The following FAM120C variants were observed in gnomAD, a reference collection of about 807,000 sequenced individuals.
The protein encoded by FAM120C is family with sequence similarity 120 member C.
FAM120C carries 14 observed loss-of-function variants against 71.2 expected under a neutral mutation model. The observed-to-expected ratio is 0.20, with a 90% CI of 0.13 to 0.31. The LOEUF (loss-of-function observed/expected upper bound fraction) is 0.31. Among genes scored for constraint, FAM120C ranks in the 10% least tolerant of loss-of-function variants. The probability of loss-of-function intolerance (pLI) is 1.00; values close to 1 mark genes in which losing one functional copy is unlikely to be tolerated. For synonymous variants in FAM120C, 354 were observed against 353.2 expected (o/e 1.00, Z -0.03); for missense variants, 500 against 879.0 (o/e 0.57, Z 5.45).
chrX:54,143,602 C>T (rs1219133206), intron 4 of FAM120C, among the ~76,000 whole-genome samples: 1 of 112,009 alleles, frequency 8.9e-6, no homozygotes, highest in East Asian at 2.8e-4. Context: ...TACACCCTCC[C>T]AAGACTAAAC....
intron 9 of FAM120C, among the ~76,000 whole-genome samples, chrX:54,129,723 G>T (rs1557128940): frequency 8.9e-6 from 1 of 112,236 alleles, no homozygotes; most frequent in Admixed American, 9.4e-5. Flanking sequence ...ACTCCAGCCT[G>T]GGCACCATTG....
At chrX:54,085,004 T>C (rs904960200) in intron 13 of FAM120C, among the ~76,000 whole-genome samples, 3 of 111,795 alleles carry the variant, frequency 2.7e-5, no homozygotes, top group Non-Finnish European at 5.6e-5. Flanking sequence ...AATGGATACA[T>C]CAAGCTACTG....
chrX:54,144,771 C>T (rs1420476775), intron 4 of FAM120C, among the ~76,000 whole-genome samples: 1 of 111,928 alleles, frequency 8.9e-6, no homozygotes, highest in Admixed American at 9.5e-5. Context: ...ATGCCATCCC[C>T]ATCAAGCTAC....
At position 54,160,337 on chromosome X, in the gene FAM120C, C is replaced by A. The variant is rs1022866994; in HGVS notation, c.700-721G>T. On this transcript the variant is annotated intron_variant, in intron 1 of 15. Transcript: ENST00000375180. The stretch of plus-strand genomic sequence containing the variant: ...GGCACCCAAACAGTTGCACTTCCAA[C>A]AGTGAGAAGTCAGAAACTACACCCC... Among the ~76,000 whole-genome samples the A allele has an allele frequency of 2.7e-5, 3 of 111,027 alleles. No individual in the cohort carries two copies. In the South Asian group the frequency reaches 1.2e-3, roughly 43 times the overall value.
At chrX:54,163,289 G>C (rs782187428) in intron 1 of FAM120C, among the ~76,000 whole-genome samples, 1 of 112,184 alleles carries the variant, frequency 8.9e-6, no homozygotes, top group Non-Finnish European at 1.9e-5. Flanking sequence ...ATCAACTGAT[G>C]AATGAACAAA....
intron 15 of FAM120C, among the ~76,000 whole-genome samples, chrX:54,075,136 C>T (rs782271374): frequency 1.8e-5 from 2 of 111,306 alleles, no homozygotes; most frequent in South Asian, 7.6e-4. Context: ...CCAGCCTGGG[C>T]GACAGAGTGA....
chrX:54,103,189 A>G (rs1187202241), intron 10 of FAM120C, among the ~76,000 whole-genome samples: 1 of 111,615 alleles, frequency 9.0e-6, no homozygotes, highest in African/African-American at 3.3e-5. Context: ...TATCTTATCT[A>G]TAAACATGGG....
chrX:54,074,406 T>G (rs1421806922), intron 15 of FAM120C, among the ~76,000 whole-genome samples: 3 of 112,500 alleles, frequency 2.7e-5, no homozygotes, highest in African/African-American at 9.7e-5. Context: ...TGTGCAATAT[T>G]CCACAGAATC....
chrX:54,082,183 G>A (rs1159826350), intron 13 of FAM120C, among the ~76,000 whole-genome samples: 3 of 92,998 alleles, frequency 3.2e-5, no homozygotes, highest in Non-Finnish European at 6.3e-5. Flanking sequence ...GTAAGACTCT[G>A]TCTCAAAAAA....
intron 3 of FAM120C, among the ~76,000 whole-genome samples, chrX:54,154,070 G>A (rs949205359): frequency 1.4e-4 from 15 of 108,467 alleles, no homozygotes; most frequent in Non-Finnish European, 2.9e-4. Flanking sequence ...TCGCTCTCCT[G>A]TTATATTGAG....
chrX:54,179,876 G>A (rs1429199866), intron 1 of FAM120C, among the ~76,000 whole-genome samples: 1 of 111,782 alleles, frequency 8.9e-6, no homozygotes. Context: ...TGCTTCTAAG[G>A]ACTAAAGAGG....
chrX:54,111,041 C>G (rs1557125633), intron 10 of FAM120C, among the ~76,000 whole-genome samples: 1 of 106,826 alleles, frequency 9.4e-6, no homozygotes, highest in Non-Finnish European at 1.9e-5. Flanking sequence ...GACTGGGTGA[C>G]AGAGCGAGAC....
At chrX:54,097,766 A>G (rs1215555330) in intron 10 of FAM120C, among the ~76,000 whole-genome samples, 3 of 110,957 alleles carry the variant, frequency 2.7e-5, no homozygotes, top group Non-Finnish European at 3.8e-5. Context: ...TCGCTCTGTC[A>G]CCCAGGCTGG....
chrX:54,161,777 G>C (rs1258036866), intron 1 of FAM120C, among the ~76,000 whole-genome samples: 11 of 111,915 alleles, frequency 9.8e-5, no homozygotes, highest in Non-Finnish European at 1.7e-4. Context: ...GGCTACGGGC[G>C]CATGCCACCA....
At chrX:54,139,307 T>C (rs991754488) in intron 4 of FAM120C, among the ~76,000 whole-genome samples, 4 of 107,212 alleles carry the variant, frequency 3.7e-5, no homozygotes, top group Non-Finnish European at 7.7e-5. Flanking sequence ...TTATCTCTCA[T>C]AGATTTTGAT....
At chrX:54,108,103 G>T (rs1426773096) in intron 10 of FAM120C, among the ~76,000 whole-genome samples, 1 of 102,189 alleles carries the variant, frequency 9.8e-6, no homozygotes, top group Non-Finnish European at 1.9e-5. Context: ...CTGGTGACTT[G>T]TAGGGCTTGA....
At chrX:54,102,769 G>C (rs1383916497) in intron 10 of FAM120C, among the ~76,000 whole-genome samples, 25 of 82,762 alleles carry the variant, frequency 3.0e-4, no homozygotes, top group African/African-American at 1.1e-3. Context: ...AGGCTGGCTG[G>C]AGTGCAGTGG....
At chrX:54,145,075 C>A (rs1336807494) in intron 4 of FAM120C, among the ~76,000 whole-genome samples, 1 of 111,920 alleles carries the variant, frequency 8.9e-6, no homozygotes, top group Non-Finnish European at 1.9e-5. Flanking sequence ...AAAGGATTCC[C>A]TAGTTAATAA....
At chrX:54,163,883 G>GTT (rs2146640057) in intron 1 of FAM120C, among the ~76,000 whole-genome samples, 1 of 82,804 alleles carries the variant, frequency 1.2e-5, no homozygotes, top group South Asian at 4.4e-4. Flanking sequence ...TCCTTTTTAT[G>GTT]TTGTGTGTGT....
Sources: gnomAD v4.1 joint callset for allele counts (sites outside exome capture counted in the v4.1 genomes callset) on GRCh38, gnomAD v4.1.1 for gene constraint, MANE v1.5 for transcripts, NCBI Gene and HGNC (gene_info 2026-07-23, HGNC 2026-07-21) for gene names.